GPCPD1: variants seen among roughly 807,000 people sequenced by gnomAD.
GPCPD1 encodes the protein glycerophosphocholine phosphodiesterase 1.
Under a neutral mutation model 89.2 loss-of-function variants are expected in GPCPD1, and 29 were observed. The observed-to-expected ratio is 0.33, with a 90% CI of 0.24 to 0.44. GPCPD1 has a LOEUF of 0.44. Among genes scored for constraint, GPCPD1 ranks in the 20% least tolerant of loss-of-function variants. GPCPD1 has a pLI of 1.00. For synonymous variants in GPCPD1, 258 were observed against 266.3 expected (o/e 0.97, Z 0.30); for missense variants, 594 against 808.9 (o/e 0.73, Z 3.22).
intron 4 of GPCPD1, 144 bp downstream of exon 4, chr20:5,593,183 G>C (rs1979453242): frequency 1.9e-6 from 1 of 523,074 alleles, no homozygotes; most frequent in African/African-American, 1.9e-5. Flanking sequence ...CTACTTCCTT[G>C]GTTTTGGTAA....
rs1034137220 is a variant in GPCPD1, at chr20:5,545,229, C to A, written c.*2432G>T. ...AACTAAATCTCTTAATTCAAAAGGA[C>A]ATTTGATACAAATTATATTACTCCA... On this transcript the variant is annotated 3_prime_UTR_variant, in exon 20 of 20. Transcript: ENST00000379019. 7 of 152,146 alleles carry A rather than the reference C, an allele frequency of 4.6e-5. No individual in the cohort carries two copies. The highest frequency in any genetic ancestry group is 1.7e-4 in the African/African-American group (7 of 41,432). 9.4% of individuals were successfully genotyped at this position (152,146 alleles called of 1,614,324 possible).
intron 3 of GPCPD1, among the ~76,000 whole-genome samples, chr20:5,595,597 C>T (rs999743964): frequency 3.3e-5 from 5 of 152,098 alleles, no homozygotes; most frequent in South Asian, 2.1e-4. Context: ...GCCCAGATCG[C>T]GCCACTGTAC....
chr20:5,591,318 A>C (rs6053523), intron 4 of GPCPD1, among the ~76,000 whole-genome samples: 1 of 152,088 alleles, frequency 6.6e-6, no homozygotes, highest in Non-Finnish European at 1.5e-5. Flanking sequence ...CAGTGCATGG[A>C]AGAAAAATGA....
chr20:5,559,042 A>G (rs1202546208), intron 17 of GPCPD1, among the ~76,000 whole-genome samples: 1 of 151,982 alleles, frequency 6.6e-6, no homozygotes, highest in African/African-American at 2.4e-5. Flanking sequence ...ATCTCTACTA[A>G]AAATACAAAA....
chr20:5,582,092 A>C (rs1170497320), intron 6 of GPCPD1, among the ~76,000 whole-genome samples: 1 of 142,850 alleles, frequency 7.0e-6, no homozygotes, highest in African/African-American at 2.6e-5. Context: ...AGGCTGAGGC[A>C]GGAGAATGGC....
intron 19 of GPCPD1, among the ~76,000 whole-genome samples, chr20:5,553,139 G>A (rs890042057): frequency 1.2e-4 from 18 of 152,080 alleles, no homozygotes; most frequent in African/African-American, 4.3e-4. Flanking sequence ...CAAGTCTGTT[G>A]GTGCCATTTT....
At chr20:5,597,172 G>A (rs1979790671) in intron 3 of GPCPD1, among the ~76,000 whole-genome samples, 1 of 152,134 alleles carries the variant, frequency 6.6e-6, no homozygotes, top group East Asian at 1.9e-4. Flanking sequence ...CTCTTATAAG[G>A]AGAGCTGAGA....
intron 1 of GPCPD1, among the ~76,000 whole-genome samples, chr20:5,610,472 C>T (rs1980891742): frequency 1.3e-5 from 2 of 152,072 alleles, no homozygotes. Flanking sequence ...CAGAGGACCT[C>T]ATCTGCATTT....
chr20:5,595,042 T>C (rs1979611072), intron 3 of GPCPD1, among the ~76,000 whole-genome samples: 1 of 152,212 alleles, frequency 6.6e-6, no homozygotes, highest in Admixed American at 6.5e-5. Context: ...ATTGACACTG[T>C]CCTTCAACCT....
chr20:5,563,956 C>G (rs1191914671), intron 15 of GPCPD1, among the ~76,000 whole-genome samples: 2 of 152,180 alleles, frequency 1.3e-5, no homozygotes, highest in Admixed American at 6.5e-5. Context: ...ATAAGCTCCA[C>G]TCCCCAAATA....
intron 11 of GPCPD1, among the ~76,000 whole-genome samples, 172 bp from the exon 12 acceptor site, chr20:5,570,411 G>C (rs1309664150): frequency 1.7e-5 from 2 of 119,786 alleles, no homozygotes; most frequent in Non-Finnish European, 3.2e-5. Context: ...CAAAAGCACA[G>C]CTACTTTTTC....
chr20:5,544,648 A>G lies in GPCPD1; in HGVS notation c.*3013T>C, dbSNP rs1368887541. On this transcript the variant is annotated 3_prime_UTR_variant, in exon 20 of 20. Coordinates refer to ENST00000379019, the MANE Select transcript of GPCPD1 (RefSeq NM_019593.5). ...CGTAGTTTGAGAACATGGGATTCAG[A>G]GTCACAAAACCCACATCCTAGTCCC... 6.6e-6 allele frequency: 1 copy of G among 152,248 alleles called. No individual in the cohort carries two copies. The highest frequency in any genetic ancestry group is 1.5e-5 in the Non-Finnish European group (1 of 68,052). The allele number at this position is 152,248 out of a possible 1,614,324, so 9.4% of individuals were successfully genotyped here.
intron 3 of GPCPD1, among the ~76,000 whole-genome samples, chr20:5,597,328 A>G (rs562733099): frequency 6.6e-6 from 1 of 152,068 alleles, no homozygotes; most frequent in South Asian, 2.1e-4. Context: ...AGTGCTCCTC[A>G]AACTATTTGC....
chr20:5,552,171 T>TA lies in GPCPD1; in HGVS notation c.1830-4322dup, dbSNP rs73613651. ...ATACACATGCTTTTTTGAATAAAAT[T>TA]AAAAAAAAATGTTGAGGGTAAAAAC... is the stretch of plus-strand genomic sequence containing the variant. On this transcript the variant is annotated intron_variant, in intron 19 of 19. Coordinates refer to ENST00000379019, the MANE Select transcript of GPCPD1 (RefSeq NM_019593.5). 4.6e-5 allele frequency among the ~76,000 whole-genome samples: 7 copies of TA among 151,446 alleles called. 1 individual carries two copies. The Middle Eastern group carries it at 0.01, about 221-fold the overall frequency.
intron 15 of GPCPD1, among the ~76,000 whole-genome samples, chr20:5,563,359 G>T (rs183255196): frequency 6.6e-6 from 1 of 152,106 alleles, no homozygotes; most frequent in Non-Finnish European, 1.5e-5. Flanking sequence ...TGACTAAAAG[G>T]CTGTCAAACC....
intron 17 of GPCPD1, 24 bp downstream of exon 17, chr20:5,559,916 G>T: frequency 7.2e-7 from 1 of 1,388,378 alleles, no homozygotes; most frequent in South Asian, 1.5e-5. Flanking sequence ...AAGAGTATAG[G>T]AAAAAATACA....
At chr20:5,556,361 A>C (rs1985768816) in intron 19 of GPCPD1, among the ~76,000 whole-genome samples, 1 of 152,004 alleles carries the variant, frequency 6.6e-6, no homozygotes, top group South Asian at 2.1e-4. Context: ...ATGTGCCACC[A>C]CACCCGGCTA....
In GPCPD1 at chr20:5,572,935, G is replaced by T. The variant is rs186002121; in HGVS notation, c.1056+980C>A. 5.6e-4 allele frequency among the ~76,000 whole-genome samples: 85 copies of T among 152,184 alleles called. 1 individual carries two copies. Among genetic ancestry groups the T allele is most frequent in the African/African-American group, 2.0e-3 (82 of 41,508 alleles). On this transcript the variant is annotated intron_variant, in intron 11 of 19. Transcript: ENST00000379019. ...CACCCAGGCTGGAGTGCACTGGACG[G>T]ATCATAGCTCATTGTAGCCTCAAAC...
chr20:5,602,162 C>G (rs553897683), intron 2 of GPCPD1, among the ~76,000 whole-genome samples: 1 of 152,342 alleles, frequency 6.6e-6, no homozygotes, highest in South Asian at 2.1e-4. Flanking sequence ...GGGGTCTCCC[C>G]CAGTATCCCC....
Sources: gnomAD v4.1 joint callset for allele counts (sites outside exome capture counted in the v4.1 genomes callset) on GRCh38, gnomAD v4.1.1 for gene constraint, MANE v1.5 for transcripts, NCBI Gene and HGNC (gene_info 2026-07-23, HGNC 2026-07-21) for gene names.